CYP4Z1: variants seen among roughly 807,000 people sequenced by gnomAD.
CYP4Z1 encodes cytochrome P450 4Z1.
Under a neutral mutation model 54.2 loss-of-function variants are expected in CYP4Z1, and 41 were observed. That is an observed-to-expected ratio of 0.76 (90% CI 0.59 to 0.98). The LOEUF (loss-of-function observed/expected upper bound fraction) is 0.98. Among genes scored for constraint, CYP4Z1 ranks in the 50% least tolerant of loss-of-function variants. The probability of loss-of-function intolerance (pLI) is 0.00; values close to 1 mark genes in which losing one functional copy is unlikely to be tolerated. For synonymous variants in CYP4Z1, 163 were observed against 206.2 expected, an observed-to-expected ratio of 0.79 and a Z score of 1.79; for missense variants, 513 against 599.0, an observed-to-expected ratio of 0.86 and a Z score of 1.50.
chr1:47,110,811 G>A (rs1291219482), intron 9 of CYP4Z1, among the ~76,000 whole-genome samples: 1 of 151,164 alleles, frequency 6.6e-6, no homozygotes, highest in Non-Finnish European at 1.5e-5. Flanking sequence ...CCCTATGATT[G>A]AGGCTTGGGA....
chr1:47,115,810 C>G (rs566874893), intron 10 of CYP4Z1, among the ~76,000 whole-genome samples: 33 of 152,300 alleles, frequency 2.2e-4, no homozygotes, highest in African/African-American at 6.7e-4. Context: ...AGCATATCAT[C>G]CCCTGGGAAG....
At chr1:47,089,006 C>A (rs1362764459) in intron 6 of CYP4Z1, among the ~76,000 whole-genome samples, 1 of 149,442 alleles carries the variant, frequency 6.7e-6, no homozygotes. Flanking sequence ...AGCATTTAAA[C>A]CACTTATATT....
chr1:47,092,679 C>A (rs1644648868), intron 6 of CYP4Z1, among the ~76,000 whole-genome samples: 1 of 152,088 alleles, frequency 6.6e-6, no homozygotes, highest in African/African-American at 2.4e-5. Context: ...TATCTGCTTT[C>A]TTCCCTTTTG....
At chr1:47,116,784 G>C (rs1166714143) in intron 11 of CYP4Z1, 52 bp downstream of exon 11, 2 of 1,356,970 alleles carry the variant, frequency 1.5e-6, no homozygotes, top group Non-Finnish European at 2.1e-6. Context: ...GTGCTTACCT[G>C]ACAAGTGCTT....
In CYP4Z1 at chr1:47,084,769, G is replaced by A. The variant is rs968160718; in HGVS notation, c.617+25G>A. On this transcript the variant is annotated intron_variant, in intron 5 of 11. Transcript: ENST00000334194. ...GGTCAGTGACAAAAGGAAGGTAATT[G>A]TTTGCCAATAACTGTGTCACCCACT... 6.8e-6 allele frequency: 11 copies of A among 1,613,048 alleles called. No individual in the cohort carries two copies. The African/African-American group carries it at 1.1e-4, about 16-fold the overall frequency.
At chr1:47,061,660 G>A in the CYP4Z1 span, among the ~76,000 whole-genome samples, 1 of 152,262 alleles carries the variant, frequency 6.6e-6, no homozygotes, top group South Asian at 2.1e-4. Flanking sequence ...GAGAAGGAGG[G>A]ACTCTGCTCT....
Position 47,082,404 on chromosome 1 carries a change from C to T in CYP4Z1, c.435C>T (p.Asn145=), listed in dbSNP as rs577678543. 1.7e-5 allele frequency: 28 copies of T among 1,613,760 alleles called. No homozygotes were observed. In the South Asian group the frequency reaches 2.9e-4, roughly 16 times the overall value. Residue 145 remains asparagine, a synonymous_variant, in exon 4 of 12, where the codon AAC becomes AAT. Coordinates refer to ENST00000334194, the MANE Select transcript of CYP4Z1 (RefSeq NM_178134.3). The part of the protein sequence containing the change: ...KHRQIVKPGF[N]ISILKIFITM... ...GCCAGATTGTGAAACCTGGCTTCAA[C>T]ATCAGCATTCTGAAAATATTCATCA... is the stretch of plus-strand genomic sequence containing the variant.
At chr1:47,091,715 A>T (rs1644639082) in intron 6 of CYP4Z1, among the ~76,000 whole-genome samples, 1 of 149,740 alleles carries the variant, frequency 6.7e-6, no homozygotes, top group Non-Finnish European at 1.5e-5. Flanking sequence ...CATCATGTGG[A>T]GTGTAAACAG....
chr1:47,104,691 T>C (rs1048990987), intron 8 of CYP4Z1, among the ~76,000 whole-genome samples: 1 of 152,050 alleles, frequency 6.6e-6, no homozygotes, highest in African/African-American at 2.4e-5. Context: ...GTGCCAATGA[T>C]AGACTGGGCA....
Position 47,068,612 on chromosome 1 carries a change from C to T in CYP4Z1, c.178-10C>T. ...CCTTTACTAACCAGTCATGACTTAT[C>T]TTATGACAGTTTTACCCAGTAAAGG... On this transcript the variant is annotated splice_polypyrimidine_tract_variant and intron_variant, in intron 1 of 11. Transcript: ENST00000334194. 6.2e-7 allele frequency: 1 copy of T among 1,613,610 alleles called. No homozygotes were observed.
intron 9 of CYP4Z1, among the ~76,000 whole-genome samples, chr1:47,108,144 G>A (rs1013287983): frequency 6.6e-6 from 1 of 152,200 alleles, no homozygotes; most frequent in African/African-American, 2.4e-5. Context: ...GCCCTCCAGA[G>A]CTTTCAGGCC....
intron 9 of CYP4Z1, among the ~76,000 whole-genome samples, chr1:47,111,219 T>C (rs1644789990): frequency 6.6e-6 from 1 of 151,964 alleles, no homozygotes. Flanking sequence ...AGTCTTGCTC[T>C]GTTGCCCAGG....
intron 2 of CYP4Z1, among the ~76,000 whole-genome samples, chr1:47,069,583 C>T (rs1336270083): frequency 6.6e-6 from 1 of 151,694 alleles, no homozygotes; most frequent in Non-Finnish European, 1.5e-5. Context: ...ACCTTTGGAC[C>T]TTTGCCCAAA....
rs60589829 is a variant in CYP4Z1, at chr1:47,101,550, A to T, written c.1067+2266A>T. Among the ~76,000 whole-genome samples, 954 of 152,120 alleles carry T rather than the reference A, an allele frequency of 6.3e-3. 10 individuals are homozygous for T. Among genetic ancestry groups the T allele is most frequent in the African/African-American group, 0.021 (861 of 41,540 alleles). ...TGTTGTTGAATTTCCATGTATTTGT[A>T]CAGTTTCTAGAGTTCCTCTTATTAT... On this transcript the variant is annotated intron_variant, in intron 8 of 11. Transcript: ENST00000334194.
upstream of CYP4Z1, among the ~76,000 whole-genome samples, chr1:47,066,135 CTA>C (rs1183388688): frequency 2.0e-5 from 3 of 152,070 alleles, no homozygotes; most frequent in Non-Finnish European, 4.4e-5. Flanking sequence ...TCTATAGACA[CTA>C]TTCCACAAGA....
In CYP4Z1 at chr1:47,068,767, A is replaced by G; in HGVS notation, c.319+4A>G. 1 of 1,613,856 alleles carries G rather than the reference A, an allele frequency of 6.2e-7. No homozygotes were observed. The highest frequency in any genetic ancestry group is 8.5e-7 in the Non-Finnish European group (1 of 1,179,876). On this transcript the variant is annotated splice_donor_region_variant and intron_variant, in intron 2 of 11. Coordinates refer to ENST00000334194, the MANE Select transcript of CYP4Z1 (RefSeq NM_178134.3). ...AAGATTCTCCTGAAAAGACAAGGTA[A>G]AAACCAAGAGGGGCTCACAGTACAG... is the stretch of plus-strand genomic sequence containing the variant.
intron 6 of CYP4Z1, among the ~76,000 whole-genome samples, chr1:47,087,857 G>C (rs1259883289): frequency 6.6e-6 from 1 of 152,132 alleles, no homozygotes; most frequent in African/African-American, 2.4e-5. Context: ...TTATTATTTT[G>C]AGATACATCC....
chr1:47,069,415 T>C (rs1360573357), intron 2 of CYP4Z1, among the ~76,000 whole-genome samples: 6 of 149,346 alleles, frequency 4.0e-5, no homozygotes, highest in African/African-American at 7.5e-5. Flanking sequence ...CATACCACTC[T>C]TGGTGCTTCT....
chr1:47,111,730 A>G (rs532103940), intron 9 of CYP4Z1, among the ~76,000 whole-genome samples: 15 of 152,364 alleles, frequency 9.8e-5, no homozygotes, highest in African/African-American at 3.4e-4. Context: ...TGTATACTAG[A>G]CCACAATAAA....
Sources: gnomAD v4.1 joint callset for allele counts (sites outside exome capture counted in the v4.1 genomes callset) on GRCh38, gnomAD v4.1.1 for gene constraint, MANE v1.5 for transcripts, NCBI Gene and HGNC (gene_info 2026-07-23, HGNC 2026-07-21) for gene names.